Variants in FAM135B observed in about 807,000 individuals in gnomAD.
FAM135B encodes family with sequence similarity 135 member B.
In FAM135B, 43 loss-of-function variants were observed where a neutral mutation model predicts 127.7. The observed-to-expected ratio is 0.34, with a 90% CI of 0.26 to 0.43. FAM135B has a LOEUF of 0.43. Ranked by LOEUF, FAM135B falls within the 20% of genes least tolerant of loss-of-function variation. FAM135B has a pLI of 1.00. For synonymous variants in FAM135B, 670 were observed against 665.1 expected (o/e 1.01, Z -0.11); for missense variants, 1,558 against 1,725.6 (o/e 0.90, Z 1.72).
intron 1 of FAM135B, among the ~76,000 whole-genome samples, chr8:138,432,549 A>G (rs765896764): frequency 1.3e-4 from 20 of 151,974 alleles, no homozygotes; most frequent in Middle Eastern, 3.4e-3. Flanking sequence ...TCTGCTTGAT[A>G]TATAGAGAGA....
In FAM135B at chr8:138,152,500, T is replaced by C. The variant is rs2130771908; in HGVS notation, c.1975A>G (p.Lys659Glu). Residue 659 changes from lysine (K) to glutamate (E), a missense_variant, in exon 13 of 20, where the codon AAG (lysine) becomes GAG (glutamate). Lys to Glu is a moderately conservative substitution (Grantham distance 56). Transcript: ENST00000395297. ...TCCTGCTCTTCTGTGTGAGAGTCCT[T>C]TAGGGAAGACCTAATATCTAAGGGC... Reference protein sequence around the residue: ...REPLDIRSSLKDSHTEEQEEL... With the variant: ...REPLDIRSSLEDSHTEEQEEL... 1 of 1,614,154 alleles carries C rather than the reference T, an allele frequency of 6.2e-7. No homozygotes were observed. Among genetic ancestry groups the C allele is most frequent in the Non-Finnish European group, 8.5e-7 (1 of 1,180,020 alleles).
chr8:138,289,735 C>T (rs186484007), intron 3 of FAM135B, among the ~76,000 whole-genome samples: 12 of 152,330 alleles, frequency 7.9e-5, no homozygotes, highest in South Asian at 4.1e-4. Flanking sequence ...CAGCATATTA[C>T]GTTGCCACCC....
chr8:138,235,251 A>G (rs1820183723), intron 7 of FAM135B, among the ~76,000 whole-genome samples: 1 of 152,146 alleles, frequency 6.6e-6, no homozygotes, highest in Non-Finnish European at 1.5e-5. Context: ...AATGAGCACC[A>G]AGGGCTCTAG....
chr8:138,136,939 A>T (rs1436916863), intron 19 of FAM135B, among the ~76,000 whole-genome samples: 2 of 152,210 alleles, frequency 1.3e-5, no homozygotes, highest in African/African-American at 2.4e-5. Flanking sequence ...GAAGTTTCAT[A>T]ATCTAATAAA....
intron 3 of FAM135B, among the ~76,000 whole-genome samples, chr8:138,280,341 C>G (rs1359080805): frequency 6.6e-6 from 1 of 151,844 alleles, no homozygotes; most frequent in Non-Finnish European, 1.5e-5. Context: ...CTTTTTGCAG[C>G]TTTAGATTCA....
intron 11 of FAM135B, among the ~76,000 whole-genome samples, chr8:138,169,354 G>C (rs1002288874): frequency 6.6e-6 from 1 of 151,504 alleles, no homozygotes; most frequent in Non-Finnish European, 1.5e-5. Flanking sequence ...CTCTTTAAAT[G>C]TTCTTCTCTG....
chr8:138,346,861 A>G (rs1056545517), intron 2 of FAM135B, among the ~76,000 whole-genome samples: 4 of 152,198 alleles, frequency 2.6e-5, no homozygotes, highest in Admixed American at 2.6e-4. Flanking sequence ...ATATCATGTG[A>G]AATGTTCAAC....
chr8:138,418,897 A>C (rs1306896196), intron 1 of FAM135B, among the ~76,000 whole-genome samples: 1 of 151,978 alleles, frequency 6.6e-6, no homozygotes, highest in Non-Finnish European at 1.5e-5. Flanking sequence ...AAAAAAAAAA[A>C]AAACATACTT....
chr8:138,372,180 G>A (rs1396065278), intron 1 of FAM135B, among the ~76,000 whole-genome samples: 1 of 152,196 alleles, frequency 6.6e-6, no homozygotes, highest in Non-Finnish European at 1.5e-5. Context: ...ACCACAGCAG[G>A]TCATCTCAAC....
chr8:138,295,733 T>C (rs952508877), intron 3 of FAM135B, among the ~76,000 whole-genome samples: 1 of 152,104 alleles, frequency 6.6e-6, no homozygotes, highest in African/African-American at 2.4e-5. Context: ...CACAAACCCA[T>C]GGTTAGGAAG....
chr8:138,444,811 C>G (rs1212966279), intron 1 of FAM135B, among the ~76,000 whole-genome samples: 2 of 152,108 alleles, frequency 1.3e-5, no homozygotes, highest in Admixed American at 1.3e-4. Flanking sequence ...CAGAGCAGAA[C>G]TGAAGGAGAT....
In FAM135B at chr8:138,134,105, A is replaced by G. The variant is rs34248396; in HGVS notation, c.4016-1307T>C. ...AGGTTATGCCACAGTAATTTTATGT[A>G]TGAAATAGTCCTTCCAAGGGAAAAG... is the stretch of plus-strand genomic sequence containing the variant. On this transcript the variant is annotated intron_variant, in intron 19 of 19. Transcript: ENST00000395297. 9.1e-3 allele frequency among the ~76,000 whole-genome samples: 1,391 copies of G among 152,308 alleles called. 11 individuals carry two copies. Among genetic ancestry groups the G allele is most frequent in the Non-Finnish European group, 0.016 (1,085 of 68,028 alleles).
chr8:138,175,475 T>G (rs1009256213), intron 11 of FAM135B, among the ~76,000 whole-genome samples: 5 of 152,232 alleles, frequency 3.3e-5, no homozygotes, highest in African/African-American at 1.2e-4. Flanking sequence ...TTCTTATCGC[T>G]TTGGCTAAAA....
intron 9 of FAM135B, among the ~76,000 whole-genome samples, chr8:138,181,976 T>A (rs1815082782): frequency 6.6e-6 from 1 of 152,090 alleles, no homozygotes; most frequent in African/African-American, 2.4e-5. Flanking sequence ...GGTCAGTGAC[T>A]CTTTACAAAA....
chr8:138,400,300 G>A (rs1206967349), intron 1 of FAM135B, among the ~76,000 whole-genome samples: 2 of 152,126 alleles, frequency 1.3e-5, no homozygotes, highest in East Asian at 1.9e-4. Context: ...TGATTCAGTC[G>A]CTTACTCCAG....
At chr8:138,283,348 G>A (rs796951879) in intron 3 of FAM135B, among the ~76,000 whole-genome samples, 39 of 151,988 alleles carry the variant, frequency 2.6e-4, no homozygotes, top group African/African-American at 8.9e-4. Flanking sequence ...ATTGAAATAA[G>A]TCAATCTAAA....
rs1319088016 is a variant in FAM135B, at chr8:138,241,759, A to ATC, written c.669+1181_669+1182dup. On this transcript the variant is annotated intron_variant, in intron 7 of 19. Transcript: ENST00000395297. The surrounding 1 kb of genome is among the most constrained non-coding windows in gnomAD (Gnocchi z 4.8). Reference sequence around the variant, plus strand: ...AATGTGACAGTTACTTTTACGTGTCATCTTACTTGGGCCACAAGGTGCCCA... The same window carrying ATC: ...AATGTGACAGTTACTTTTACGTGTCATCTCTTACTTGGGCCACAAGGTGCCCA... 1.3e-5 allele frequency among the ~76,000 whole-genome samples: 2 copies of ATC among 152,180 alleles called. No individual in the cohort carries two copies. The highest frequency in any genetic ancestry group is 2.9e-5 in the Non-Finnish European group (2 of 68,028).
chr8:138,377,856 G>C (rs11782149), intron 1 of FAM135B, among the ~76,000 whole-genome samples: 75,408 of 152,058 alleles, frequency 0.5, 20,740 homozygotes, highest in East Asian at 0.82. Flanking sequence ...GGGATTTACT[G>C]CATGCAGCCA....
At chr8:138,411,525 T>TA (rs1371459395) in intron 1 of FAM135B, among the ~76,000 whole-genome samples, 86 of 152,230 alleles carry the variant, frequency 5.6e-4, no homozygotes, top group Admixed American at 5.6e-3. Context: ...CCTAAAACCA[T>TA]AAAAACCCTA....
Sources: gnomAD v4.1 joint callset for allele counts (sites outside exome capture counted in the v4.1 genomes callset) on GRCh38, gnomAD v4.1.1 for gene constraint, Gnocchi (gnomAD v3.1) non-coding constraint, MANE v1.5 for transcripts, NCBI Gene and HGNC (gene_info 2026-07-23, HGNC 2026-07-21) for gene names.